Variants in ZSCAN25 observed in about 807,000 individuals in gnomAD.
ZSCAN25 encodes the protein zinc finger and SCAN domain-containing protein 25.
In ZSCAN25, 27 loss-of-function variants were observed where a neutral mutation model predicts 38.7. That is an observed-to-expected ratio of 0.70 (90% confidence interval 0.51 to 0.96). ZSCAN25 has a LOEUF of 0.96. ZSCAN25 is among the 40% of genes least tolerant of loss of function. ZSCAN25 has a pLI of 0.00. For missense variants in ZSCAN25, 637 were observed against 705.9 expected (o/e 0.90, Z 1.11); for synonymous variants, 273 against 277.7 (o/e 0.98, Z 0.17).
the ZSCAN25 span, among the ~76,000 whole-genome samples, chr7:99,728,939 C>T: frequency 2.6e-5 from 4 of 152,192 alleles, no homozygotes; most frequent in African/African-American, 4.8e-5. Context: ...CCTCCAACAT[C>T]GCTGAGGCCT....
the ZSCAN25 span, among the ~76,000 whole-genome samples, chr7:99,639,545 T>G: frequency 6.6e-6 from 1 of 152,194 alleles, no homozygotes; most frequent in South Asian, 2.1e-4. Context: ...AAAGAGCCTC[T>G]GCTTGGGTGT....
chr7:99,661,055 C>T, the ZSCAN25 span, among the ~76,000 whole-genome samples: 1 of 152,140 alleles, frequency 6.6e-6, no homozygotes, highest in Non-Finnish European at 1.5e-5. Flanking sequence ...TGATTTTCTA[C>T]AATAGAGCTT....
At chr7:99,679,915 A>G in the ZSCAN25 span, 86 of 1,611,870 alleles carry the variant, frequency 5.3e-5, 1 homozygote, top group East Asian at 4.7e-4. Flanking sequence ...TCCTTCTTCA[A>G]CTGTGTTCTG....
chr7:99,666,943 T>C, the ZSCAN25 span: 2 of 1,612,340 alleles, frequency 1.2e-6, no homozygotes, highest in East Asian at 4.5e-5. Context: ...ACTCATCTTA[T>C]TTTCATACCT....
the ZSCAN25 span, among the ~76,000 whole-genome samples, chr7:99,721,991 T>C: frequency 6.6e-6 from 1 of 152,236 alleles, no homozygotes. Context: ...CCCTTGTTAC[T>C]GATCTTTGTA....
the ZSCAN25 span, among the ~76,000 whole-genome samples, chr7:99,694,689 A>C: frequency 6.6e-6 from 1 of 152,220 alleles, no homozygotes; most frequent in Non-Finnish European, 1.5e-5. Context: ...TTAGACAACA[A>C]AACCCTCACT....
chr7:99,637,559 A>G, the ZSCAN25 span, among the ~76,000 whole-genome samples: 40 of 152,314 alleles, frequency 2.6e-4, no homozygotes, highest in Middle Eastern at 3.4e-3. Context: ...ATGTTTCAGA[A>G]CTTATTTGCT....
chr7:99,645,358 C>T, the ZSCAN25 span, among the ~76,000 whole-genome samples: 58 of 151,982 alleles, frequency 3.8e-4, no homozygotes, highest in Non-Finnish European at 6.5e-4. Context: ...TTATTCAGTC[C>T]GTAATTGATG....
At chr7:99,681,341 T>C in the ZSCAN25 span, among the ~76,000 whole-genome samples, 3 of 152,228 alleles carry the variant, frequency 2.0e-5, no homozygotes, top group African/African-American at 7.2e-5. Flanking sequence ...TTTCTGGATA[T>C]TGTGGTAGCT....
At chr7:99,650,209 A>G in the ZSCAN25 span, 5 of 1,613,906 alleles carry the variant, frequency 3.1e-6, no homozygotes, top group East Asian at 2.2e-5. Flanking sequence ...GTAAGGATCT[A>G]TGCTGTCCTT....
At chr7:99,634,867 G>C (rs558746892), downstream of ZSCAN25, among the ~76,000 whole-genome samples, 94 of 152,086 alleles carry the variant, frequency 6.2e-4, no homozygotes, top group Non-Finnish European at 1.0e-3. Context: ...ACTTGAACCC[G>C]GGGGGCGGAG....
the ZSCAN25 span, chr7:99,685,174 A>T: frequency 6.2e-7 from 1 of 1,612,688 alleles, no homozygotes; most frequent in Non-Finnish European, 8.5e-7. Context: ...CCTTGACTCA[A>T]CCTTTAGAAC....
chr7:99,652,712 C>A, the ZSCAN25 span: 1 of 1,614,024 alleles, frequency 6.2e-7, no homozygotes, highest in Non-Finnish European at 8.5e-7. Flanking sequence ...TGGGAATAAT[C>A]TGAGTGTTTC....
the ZSCAN25 span, chr7:99,660,300 A>G: frequency 3.3e-5 from 38 of 1,149,044 alleles, no homozygotes; most frequent in Non-Finnish European, 3.9e-5. Flanking sequence ...GCAATATTGT[A>G]CAAAGATCTT....
chr7:99,627,671 C>A (rs1440974649), intron 7 of ZSCAN25, among the ~76,000 whole-genome samples: 2 of 149,138 alleles, frequency 1.3e-5, no homozygotes, highest in Non-Finnish European at 3.0e-5. Flanking sequence ...ATACTATATA[C>A]GTATATCATG....
chr7:99,703,429 A>G, the ZSCAN25 span, among the ~76,000 whole-genome samples: 2 of 152,110 alleles, frequency 1.3e-5, no homozygotes, highest in Non-Finnish European at 2.9e-5. Context: ...TGTCATTGTT[A>G]CCTAGACCTA....
At chr7:99,715,462 TATC>T in the ZSCAN25 span, 282 of 374,424 alleles carry the variant, frequency 7.5e-4, 1 homozygote, top group Middle Eastern at 2.5e-3. Flanking sequence ...GAAAAATTAA[TATC>T]ATTTCTATGA....
the ZSCAN25 span, among the ~76,000 whole-genome samples, chr7:99,694,837 G>A: frequency 6.6e-6 from 1 of 152,148 alleles, no homozygotes; most frequent in African/African-American, 2.4e-5. Flanking sequence ...CCTAGACAGA[G>A]CATCAGACCA....
At chr7:99,724,425 C>G in the ZSCAN25 span, among the ~76,000 whole-genome samples, 1 of 152,158 alleles carries the variant, frequency 6.6e-6, no homozygotes, top group African/African-American at 2.4e-5. Flanking sequence ...ACATCAGTCT[C>G]TCCCTAGTCT....
Sources: allele counts gnomAD v4.1 joint callset (sites outside exome capture counted in the v4.1 genomes callset), GRCh38; gene constraint gnomAD v4.1.1; transcripts MANE v1.5; gene names NCBI Gene and HGNC (gene_info 2026-07-23, HGNC 2026-07-21).